FRMD4A: variants seen among roughly 807,000 people sequenced by gnomAD.
FRMD4A encodes FERM domain-containing protein 4A.
A neutral mutation model predicts 129.1 loss-of-function variants in FRMD4A; 29 were observed. The observed-to-expected ratio is 0.22, with a 90% CI of 0.17 to 0.31. The LOEUF (loss-of-function observed/expected upper bound fraction) is 0.31. FRMD4A is among the 10% of genes least tolerant of loss of function. The pLI is 1.00. For synonymous variants in FRMD4A, 634 were observed against 571.6 expected, an observed-to-expected ratio of 1.11 and a Z score of -1.56; for missense variants, 1,272 against 1,375.8, an observed-to-expected ratio of 0.92 and a Z score of 1.19.
chr10:14,082,549 G>A (rs769680173), intron 2 of FRMD4A, among the ~76,000 whole-genome samples: 21 of 152,140 alleles, frequency 1.4e-4, no homozygotes, highest in African/African-American at 1.2e-4. Context: ...ATAACCAGTC[G>A]CCCATAGTTC....
intron 2 of FRMD4A, among the ~76,000 whole-genome samples, chr10:14,041,966 C>A (rs1398491669): frequency 6.6e-6 from 1 of 152,164 alleles, no homozygotes; most frequent in South Asian, 2.1e-4. Context: ...GCTGGTGATG[C>A]TCTACTGCAA....
chr10:14,213,660 T>A (rs1033114974), intron 2 of FRMD4A, among the ~76,000 whole-genome samples: 1 of 152,198 alleles, frequency 6.6e-6, no homozygotes. Context: ...CAGCCCATCA[T>A]GTTCTCTGTC....
intron 2 of FRMD4A, among the ~76,000 whole-genome samples, chr10:14,077,160 G>A (rs1835660749): frequency 6.6e-6 from 1 of 152,204 alleles, no homozygotes; most frequent in African/African-American, 2.4e-5. Flanking sequence ...GACAGCACCT[G>A]GGTAGGCACT....
chr10:13,972,052 T>C, intron 2 of FRMD4A: 1 of 1,153,952 alleles, frequency 8.7e-7, no homozygotes, highest in Non-Finnish European at 1.1e-6. Flanking sequence ...TGTTTTCTCC[T>C]TGTCTCTGGG....
At chr10:13,843,656 C>A (rs540014132) in intron 3 of FRMD4A, among the ~76,000 whole-genome samples, 2 of 152,268 alleles carry the variant, frequency 1.3e-5, no homozygotes, top group African/African-American at 4.8e-5. Flanking sequence ...CACCACCATG[C>A]CTGGCTAAGT....
At chr10:14,320,738 C>A (rs7080891) in intron 2 of FRMD4A, among the ~76,000 whole-genome samples, 3 of 152,226 alleles carry the variant, frequency 2.0e-5, no homozygotes, top group Non-Finnish European at 4.4e-5. Context: ...AAAATTCCTC[C>A]CAAAGCCTGG....
intron 3 of FRMD4A, among the ~76,000 whole-genome samples, chr10:13,839,779 T>A (rs996861902): frequency 4.0e-5 from 6 of 151,796 alleles, no homozygotes; most frequent in Non-Finnish European, 7.4e-5. Flanking sequence ...TTGGGAGGAG[T>A]GGACTCCTAA....
chr10:14,086,327 C>T (rs1406775327), intron 2 of FRMD4A, among the ~76,000 whole-genome samples: 2 of 152,178 alleles, frequency 1.3e-5, no homozygotes, highest in African/African-American at 2.4e-5. Context: ...TTTGAGAATT[C>T]AGCTCTGAGC....
At chr10:13,834,767 C>T (rs1235718524) in intron 3 of FRMD4A, among the ~76,000 whole-genome samples, 1 of 152,146 alleles carries the variant, frequency 6.6e-6, no homozygotes, top group Non-Finnish European at 1.5e-5. Flanking sequence ...GGACACATTT[C>T]CAGGAAGGCT....
chr10:14,149,614 C>T (rs140403329), intron 2 of FRMD4A, among the ~76,000 whole-genome samples: 1,896 of 152,310 alleles, frequency 0.012, 30 homozygotes, highest in African/African-American at 0.043. Flanking sequence ...AAGTGATCCT[C>T]CTGCCTCAGC....
intron 4 of FRMD4A, among the ~76,000 whole-genome samples, chr10:13,803,413 C>G (rs2093296773): frequency 6.6e-6 from 1 of 152,156 alleles, no homozygotes; most frequent in African/African-American, 2.4e-5. Flanking sequence ...CTCGCTGCAG[C>G]CTTGAACCCC....
intron 2 of FRMD4A, among the ~76,000 whole-genome samples, chr10:14,202,836 A>C (rs925897645): frequency 6.6e-6 from 1 of 152,126 alleles, no homozygotes; most frequent in South Asian, 2.1e-4. Flanking sequence ...TCAGCGGTGC[A>C]ATCATGGCTC....
intron 3 of FRMD4A, among the ~76,000 whole-genome samples, chr10:13,839,844 C>T (rs768495653): frequency 3.9e-5 from 6 of 152,178 alleles, no homozygotes; most frequent in African/African-American, 9.7e-5. Context: ...GCTGGAGGCC[C>T]GACTTTCCCT....
At chr10:14,133,271 A>C (rs1362890811) in intron 2 of FRMD4A, among the ~76,000 whole-genome samples, 3 of 152,232 alleles carry the variant, frequency 2.0e-5, no homozygotes, top group Non-Finnish European at 4.4e-5. Context: ...TGAAGGCTTT[A>C]AATATAAAGC....
intron 2 of FRMD4A, among the ~76,000 whole-genome samples, chr10:14,129,956 G>T (rs1028072398): frequency 6.6e-6 from 1 of 152,112 alleles, no homozygotes; most frequent in Non-Finnish European, 1.5e-5. Context: ...CTTCCCTGTG[G>T]TGGCCCTCTT....
Position 14,156,055 on chromosome 10 carries a change from C to T in FRMD4A, c.45+174003G>A, listed in dbSNP as rs71479861. 4.0e-3 allele frequency among the ~76,000 whole-genome samples: 615 copies of T among 152,278 alleles called. 1 individual carries two copies. Among genetic ancestry groups the T allele is most frequent in the Non-Finnish European group, 6.7e-3 (453 of 68,014 alleles). On this transcript the variant is annotated intron_variant, in intron 2 of 24. Coordinates refer to ENST00000357447, the MANE Select transcript of FRMD4A (RefSeq NM_018027.5). The stretch of plus-strand genomic sequence containing the variant: ...AGGTGCAGACACTGGGAAACTTTTT[C>T]TCATGAGCTCAAGGAGATGTATATA...
Position 14,161,171 on chromosome 10 carries a change from G to T in FRMD4A, c.45+168887C>A, listed in dbSNP as rs1164472044. On this transcript the variant is annotated intron_variant, in intron 2 of 24. Coordinates refer to ENST00000357447, the MANE Select transcript of FRMD4A (RefSeq NM_018027.5). Reference sequence around the variant, plus strand: ...GGGTTTCACTGTGTTGGCCAGGCTGGTCTTGAACTCCTGACCTGAGGTAAT... The same window carrying T: ...GGGTTTCACTGTGTTGGCCAGGCTGTTCTTGAACTCCTGACCTGAGGTAAT... 5.9e-5 allele frequency among the ~76,000 whole-genome samples: 9 copies of T among 152,262 alleles called. No homozygotes were observed. The South Asian group carries it at 1.2e-3, about 21-fold the overall frequency.
intron 23 of FRMD4A, chr10:13,653,591 T>C (rs893399522): frequency 7.9e-5 from 12 of 152,210 alleles, no homozygotes; most frequent in African/African-American, 2.7e-4. Flanking sequence ...AGTTGTCAGG[T>C]TTTCCCAGAC....
intron 2 of FRMD4A, among the ~76,000 whole-genome samples, chr10:14,128,023 C>T (rs1349625080): frequency 3.0e-5 from 4 of 131,984 alleles, no homozygotes; most frequent in African/African-American, 1.2e-4. Flanking sequence ...TTCCTTCCTT[C>T]CTTCCTTCCT....
Sources: gnomAD v4.1 joint callset for allele counts (sites outside exome capture counted in the v4.1 genomes callset) on GRCh38, gnomAD v4.1.1 for gene constraint, MANE v1.5 for transcripts, NCBI Gene and HGNC (gene_info 2026-07-23, HGNC 2026-07-21) for gene names.